FBXL20: variants seen among roughly 807,000 people sequenced by gnomAD.
FBXL20 encodes F-box and leucine rich repeat protein 20.
Under a neutral mutation model 64.0 loss-of-function variants are expected in FBXL20, and 11 were observed. The ratio of observed to expected loss-of-function variants is 0.17; its 90% CI spans 0.11 to 0.28. FBXL20 has a LOEUF of 0.28. Among genes scored for constraint, FBXL20 ranks in the 10% least tolerant of loss-of-function variants. The probability of loss-of-function intolerance (pLI) is 1.00; values close to 1 mark genes in which losing one functional copy is unlikely to be tolerated. For synonymous variants in FBXL20, 184 were observed against 189.0 expected (o/e 0.97, Z 0.22); for missense variants, 303 against 526.2 (o/e 0.58, Z 4.15).
chr17:39,351,369 T>C (rs1012515682), intron 1 of FBXL20, among the ~76,000 whole-genome samples: 5 of 148,536 alleles, frequency 3.4e-5, no homozygotes, highest in African/African-American at 9.9e-5. Context: ...ATCCTAAAAG[T>C]AGACACAATA....
At chr17:39,361,229 G>T (rs374525781) in intron 1 of FBXL20, among the ~76,000 whole-genome samples, 2 of 152,010 alleles carry the variant, frequency 1.3e-5, no homozygotes, top group East Asian at 3.9e-4. Context: ...GGAGTTGGAG[G>T]ATCAGAGAAG....
intron 1 of FBXL20, among the ~76,000 whole-genome samples, chr17:39,369,169 A>G (rs1394295136): frequency 6.6e-6 from 1 of 152,132 alleles, no homozygotes; most frequent in Non-Finnish European, 1.5e-5. Flanking sequence ...TAAAAATCAT[A>G]AAGTACAGTA....
intron 1 of FBXL20, among the ~76,000 whole-genome samples, chr17:39,387,058 A>G (rs2048088087): frequency 6.6e-6 from 1 of 152,216 alleles, no homozygotes; most frequent in South Asian, 2.1e-4. Flanking sequence ...AATGGTGTAC[A>G]CGTAATATGC....
At chr17:39,390,867 T>G (rs2048127222) in intron 1 of FBXL20, among the ~76,000 whole-genome samples, 1 of 151,848 alleles carries the variant, frequency 6.6e-6, no homozygotes, top group Non-Finnish European at 1.5e-5. Context: ...GTCAAGATGG[T>G]AAAACCCTGT....
At chr17:39,352,754 A>C (rs1016733062) in intron 1 of FBXL20, among the ~76,000 whole-genome samples, 2 of 152,102 alleles carry the variant, frequency 1.3e-5, no homozygotes, top group Admixed American at 1.3e-4. Flanking sequence ...CTATTGCTTA[A>C]ATTAAATCTA....
At chr17:39,380,796 T>C (rs2048014570) in intron 1 of FBXL20, among the ~76,000 whole-genome samples, 1 of 152,182 alleles carries the variant, frequency 6.6e-6, no homozygotes, top group Admixed American at 6.6e-5. Flanking sequence ...ATTTGCTGAC[T>C]GAATTAGTGA....
chr17:39,309,496 AT>A (rs2047212134), intron 2 of FBXL20, among the ~76,000 whole-genome samples: 1 of 152,024 alleles, frequency 6.6e-6, no homozygotes, highest in Non-Finnish European at 1.5e-5. Context: ...CTGTTTGTCT[AT>A]TATTTTTATT....
At chr17:39,297,276 ATTGG>A in intron 5 of FBXL20, 81 bp from the exon 6 acceptor site, 2 of 769,312 alleles carry the variant, frequency 2.6e-6, no homozygotes, top group Non-Finnish European at 4.3e-6. Context: ...ATATATTATT[ATTGG>A]TAATATTGAT....
At chr17:39,369,615 T>G in intron 1 of FBXL20, among the ~76,000 whole-genome samples, 1 of 152,070 alleles carries the variant, frequency 6.6e-6, no homozygotes, top group South Asian at 2.1e-4. Context: ...CCTCCCAAAG[T>G]GCTGGGATTA....
chr17:39,299,106 CA>C, intron 4 of FBXL20, 22 bp from the exon 5 acceptor site: 12 of 1,525,432 alleles, frequency 7.9e-6, no homozygotes, highest in Non-Finnish European at 9.9e-6. Context: ...GACAGGCAAA[CA>C]AAAAGATAAC....
chr17:39,268,968 G>A (rs181147087), intron 11 of FBXL20, 97 bp from the exon 12 acceptor site: 77 of 1,088,306 alleles, frequency 7.1e-5, no homozygotes, highest in African/African-American at 3.3e-4. Context: ...TATTAAATAC[G>A]TTGATAAATT....
At chr17:39,300,811 G>C (rs939158363) in intron 4 of FBXL20, among the ~76,000 whole-genome samples, 190 bp downstream of exon 4, 8 of 152,152 alleles carry the variant, frequency 5.3e-5, no homozygotes, top group African/African-American at 1.7e-4. Context: ...TTATTTCAGT[G>C]AAATAATCTG....
At chr17:39,314,744 G>A (rs2047268657) in intron 2 of FBXL20, among the ~76,000 whole-genome samples, 1 of 150,394 alleles carries the variant, frequency 6.6e-6, no homozygotes, top group Non-Finnish European at 1.5e-5. Flanking sequence ...ACACTGTAGT[G>A]TACATTCTCA....
chr17:39,373,103 T>A (rs2047934345), intron 1 of FBXL20, among the ~76,000 whole-genome samples: 2 of 152,136 alleles, frequency 1.3e-5, no homozygotes, highest in South Asian at 4.1e-4. Context: ...CTACCCATTT[T>A]TAATGCTCAG....
intron 2 of FBXL20, among the ~76,000 whole-genome samples, chr17:39,324,833 A>C (rs969454482): frequency 6.6e-6 from 1 of 152,206 alleles, no homozygotes; most frequent in Admixed American, 6.5e-5. Context: ...AAATCTCTTA[A>C]TCCAAATCCA....
intron 12 of FBXL20, among the ~76,000 whole-genome samples, chr17:39,267,398 C>T (rs2144346379): frequency 6.6e-6 from 1 of 152,278 alleles, no homozygotes; most frequent in East Asian, 1.9e-4. Context: ...TGTTCTATCT[C>T]CTTAGAATCA....
At chr17:39,337,521 C>A (rs1231545992) in intron 2 of FBXL20, among the ~76,000 whole-genome samples, 2 of 151,852 alleles carry the variant, frequency 1.3e-5, no homozygotes, top group Admixed American at 6.6e-5. Flanking sequence ...GCCCGGCCGC[C>A]CATCGTCTGA....
chr17:39,332,884 T>C (rs537330788), intron 2 of FBXL20, among the ~76,000 whole-genome samples: 8 of 152,278 alleles, frequency 5.3e-5, no homozygotes, highest in East Asian at 1.9e-4. Context: ...TATGACTACA[T>C]GATGAGTCCT....
intron 1 of FBXL20, among the ~76,000 whole-genome samples, chr17:39,369,167 A>ATCCAGTACTTCTGGATGG (rs2047890394): frequency 6.6e-6 from 1 of 152,150 alleles, no homozygotes; most frequent in South Asian, 2.1e-4. Flanking sequence ...GATAAAAATC[A>ATCCAGTACTTCTGGATGG]TAAAGTACAG....
Sources: allele counts gnomAD v4.1 joint callset (sites outside exome capture counted in the v4.1 genomes callset), GRCh38; gene constraint gnomAD v4.1.1; transcripts MANE v1.5; gene names NCBI Gene and HGNC (gene_info 2026-07-23, HGNC 2026-07-21).